The following RANBP2 variants were observed in gnomAD, a reference collection of about 807,000 sequenced individuals.
RANBP2 encodes RAN binding protein 2.
RANBP2 carries 57 observed loss-of-function variants against 303.6 expected under a neutral mutation model. That is an observed-to-expected ratio of 0.19 (90% CI 0.15 to 0.23). The LOEUF is 0.23. Among genes scored for constraint, RANBP2 ranks in the 10% least tolerant of loss-of-function variants. The pLI is 1.00. For synonymous variants in RANBP2, 1,167 were observed against 1,301.5 expected (o/e 0.90, Z 2.23); for missense variants, 3,138 against 3,780.8 (o/e 0.83, Z 4.46).
At chr2:109,748,800 G>A in the RANBP2 span, among the ~76,000 whole-genome samples, 1 of 150,178 alleles carries the variant, frequency 6.7e-6, no homozygotes, top group Non-Finnish European at 1.5e-5. Context: ...TTGAACCCAG[G>A]AGGCGGAGGT....
chr2:108,975,460 G>A, the RANBP2 span, among the ~76,000 whole-genome samples: 1 of 152,172 alleles, frequency 6.6e-6, no homozygotes. Context: ...AGCAAGACCT[G>A]CGTCTACTTT....
At chr2:109,368,482 T>G in the RANBP2 span, among the ~76,000 whole-genome samples, 3 of 152,212 alleles carry the variant, frequency 2.0e-5, no homozygotes, top group East Asian at 5.8e-4. Context: ...TTCTAACTGA[T>G]TATTGCTGGT....
At chr2:109,057,364 A>G in the RANBP2 span, among the ~76,000 whole-genome samples, 1 of 152,228 alleles carries the variant, frequency 6.6e-6, no homozygotes, top group African/African-American at 2.4e-5. Flanking sequence ...TGACAATGTG[A>G]TATCTCAGAT....
At chr2:109,711,214 C>T in the RANBP2 span, among the ~76,000 whole-genome samples, 2 of 152,092 alleles carry the variant, frequency 1.3e-5, no homozygotes, top group African/African-American at 2.4e-5. Context: ...TCAGCAGCTC[C>T]GTCCCTATGC....
chr2:109,733,932 G>A, the RANBP2 span, among the ~76,000 whole-genome samples: 2 of 151,868 alleles, frequency 1.3e-5, no homozygotes, highest in African/African-American at 4.8e-5. Flanking sequence ...AGCATTTTGG[G>A]AGGCCGACGT....
At chr2:109,471,206 CAAAAA>C in the RANBP2 span, among the ~76,000 whole-genome samples, 17 of 40,164 alleles carry the variant, frequency 4.2e-4, no homozygotes, top group African/African-American at 8.8e-4. Context: ...GACTCTGTCT[CAAAAA>C]AAAAAAAAAA....
intron 1 of RANBP2, among the ~76,000 whole-genome samples, chr2:108,727,694 C>T (rs775101411): frequency 6.6e-6 from 1 of 150,948 alleles, no homozygotes; most frequent in African/African-American, 2.4e-5. Context: ...GCCTCTGCCT[C>T]CCGGATTCAA....
chr2:108,786,215 A>G (rs1678668398), downstream of RANBP2, among the ~76,000 whole-genome samples: 1 of 151,568 alleles, frequency 6.6e-6, no homozygotes, highest in Non-Finnish European at 1.5e-5. Context: ...AACACAGGGA[A>G]AGTGAGGTAA....
At chr2:109,335,258 C>G in the RANBP2 span, among the ~76,000 whole-genome samples, 2 of 152,238 alleles carry the variant, frequency 1.3e-5, no homozygotes, top group African/African-American at 4.8e-5. Context: ...CTCGCCCGTC[C>G]CACACGAGAA....
the RANBP2 span, among the ~76,000 whole-genome samples, chr2:109,325,386 G>A: frequency 7.8e-6 from 1 of 127,972 alleles, no homozygotes; most frequent in Non-Finnish European, 1.6e-5. Context: ...CTGTCACTCA[G>A]GCTGGAGTAC....
chr2:108,908,003 A>T, the RANBP2 span: 1 of 1,609,614 alleles, frequency 6.2e-7, no homozygotes, highest in Non-Finnish European at 8.5e-7. Context: ...TCATTCTCGG[A>T]TGAGGCATCG....
At chr2:109,322,688 G>A in the RANBP2 span, among the ~76,000 whole-genome samples, 1 of 152,176 alleles carries the variant, frequency 6.6e-6, no homozygotes, top group Non-Finnish European at 1.5e-5. Context: ...TGAGCACACA[G>A]GGCACCCACA....
At chr2:109,436,083 A>G in the RANBP2 span, among the ~76,000 whole-genome samples, 6 of 152,166 alleles carry the variant, frequency 3.9e-5, no homozygotes, top group South Asian at 1.2e-3. Flanking sequence ...GAGACGGGGC[A>G]GGCAGCCTGT....
At chr2:108,970,494 G>A in the RANBP2 span, among the ~76,000 whole-genome samples, 1 of 152,152 alleles carries the variant, frequency 6.6e-6, no homozygotes, top group African/African-American at 2.4e-5. Flanking sequence ...AGGACACTGA[G>A]TGGAGATGGT....
chr2:109,197,284 A>C, the RANBP2 span, among the ~76,000 whole-genome samples: 1 of 152,116 alleles, frequency 6.6e-6, no homozygotes, highest in Non-Finnish European at 1.5e-5. Flanking sequence ...GCTGGGATGC[A>C]CTTGGCCTCA....
At chr2:109,320,070 T>C in the RANBP2 span, among the ~76,000 whole-genome samples, 1 of 152,214 alleles carries the variant, frequency 6.6e-6, no homozygotes, top group East Asian at 1.9e-4. Context: ...AAGCTGGGGG[T>C]GGCCTCTTAT....
intron 9 of RANBP2, among the ~76,000 whole-genome samples, chr2:108,750,556 CCTTTTCTTTT>C (rs70956276): frequency 0.037 from 5,014 of 135,408 alleles, 206 homozygotes; most frequent in African/African-American, 0.1. Context: ...AAGCACATAA[CCTTTTCTTTT>C]CTTTTCTTTT....
intron 18 of RANBP2, among the ~76,000 whole-genome samples, chr2:108,760,516 G>A (rs1197452942): frequency 3.9e-5 from 6 of 152,126 alleles, no homozygotes; most frequent in African/African-American, 9.7e-5. Flanking sequence ...AGGGTATTCA[G>A]AATATTCAGT....
At chr2:108,848,573 A>G in the RANBP2 span, among the ~76,000 whole-genome samples, 1 of 152,214 alleles carries the variant, frequency 6.6e-6, no homozygotes, top group African/African-American at 2.4e-5. Context: ...TAAAAATAAG[A>G]TGTCCCATAT....
Sources: allele counts gnomAD v4.1 joint callset (sites outside exome capture counted in the v4.1 genomes callset), GRCh38; gene constraint gnomAD v4.1.1; transcripts MANE v1.5; gene names NCBI Gene and HGNC (gene_info 2026-07-23, HGNC 2026-07-21).